Variants in RASA3 observed in about 807,000 individuals in gnomAD.
RASA3 encodes ras GTPase-activating protein 3.
A neutral mutation model predicts 110.0 loss-of-function variants in RASA3; 73 were observed. The observed-to-expected ratio is 0.66, with a 90% CI of 0.55 to 0.81. RASA3 has a LOEUF of 0.81. RASA3 is among the 30% of genes least tolerant of loss of function. RASA3 has a pLI of 0.00. For synonymous variants in RASA3, 500 were observed against 451.4 expected, an observed-to-expected ratio of 1.11 and a Z score of -1.37; for missense variants, 976 against 1,113.2, an observed-to-expected ratio of 0.88 and a Z score of 1.75.
intron 8 of RASA3, 88 bp downstream of exon 8, chr13:114,024,191 G>GA: frequency 8.2e-7 from 1 of 1,226,618 alleles, no homozygotes; most frequent in East Asian, 2.4e-5. Flanking sequence ...TTCTATCTAT[G>GA]ACCCTATATT....
At chr13:114,072,537 G>A (rs1341971923) in intron 2 of RASA3, among the ~76,000 whole-genome samples, 6 of 152,114 alleles carry the variant, frequency 3.9e-5, no homozygotes, top group Admixed American at 1.3e-4. Flanking sequence ...TCCCCCTCTC[G>A]AAATCCTTAA....
intron 1 of RASA3, among the ~76,000 whole-genome samples, chr13:114,117,232 T>C (rs372362916): frequency 4.3e-3 from 131 of 30,624 alleles, no homozygotes; most frequent in Admixed American, 7.7e-3. Flanking sequence ...GAGGGGTGCA[T>C]GTGTGTGAGG....
intron 18 of RASA3, 132 bp from the exon 19 acceptor site, chr13:114,001,064 A>G: frequency 1.5e-6 from 1 of 651,898 alleles, no homozygotes; most frequent in East Asian, 2.6e-5. Context: ...TTATCATTTT[A>G]CTCCGAGTGA....
At chr13:113,996,251 C>T (rs920943356) in intron 21 of RASA3, among the ~76,000 whole-genome samples, 1 of 152,160 alleles carries the variant, frequency 6.6e-6, no homozygotes, top group Non-Finnish European at 1.5e-5. Flanking sequence ...GGGAGTCCCC[C>T]TTCACCCTGA....
At chr13:114,073,579 A>G (rs1188477572) in intron 2 of RASA3, 141 bp downstream of exon 2, 6 of 736,766 alleles carry the variant, frequency 8.1e-6, no homozygotes, top group Non-Finnish European at 1.4e-5. Flanking sequence ...AATTCCCTAC[A>G]TGCGGGAAAA....
At chr13:114,106,032 G>T (rs971614987) in intron 1 of RASA3, among the ~76,000 whole-genome samples, 1 of 152,228 alleles carries the variant, frequency 6.6e-6, no homozygotes, top group Non-Finnish European at 1.5e-5. Flanking sequence ...CGCAGGCACT[G>T]AGTGGGAGGA....
intron 16 of RASA3, among the ~76,000 whole-genome samples, chr13:114,010,543 A>G (rs1006568530): frequency 6.6e-6 from 1 of 150,588 alleles, no homozygotes; most frequent in Admixed American, 6.6e-5. Flanking sequence ...AGGATGGAGG[A>G]CGGAGGTTCA....
At chr13:114,022,378 T>C (rs530323757) in intron 8 of RASA3, among the ~76,000 whole-genome samples, 60 of 152,294 alleles carry the variant, frequency 3.9e-4, no homozygotes, top group African/African-American at 1.2e-3. Context: ...GACCCACTCA[T>C]AGGCCTGAAA....
intron 9 of RASA3, among the ~76,000 whole-genome samples, chr13:114,019,545 C>A (rs1047311048): frequency 3.3e-5 from 5 of 149,770 alleles, no homozygotes; most frequent in African/African-American, 1.2e-4. Flanking sequence ...AAGGCATTAG[C>A]CCCCGTCAGG....
chr13:113,981,964 A>C, intron 22 of RASA3, 106 bp from the exon 23 acceptor site: 2 of 1,007,098 alleles, frequency 2.0e-6, no homozygotes, highest in Non-Finnish European at 1.4e-6. Context: ...CATCCTTCCA[A>C]CGCAAGCTCC....
Position 114,020,150 on chromosome 13 carries a change from TCAGG to T in RASA3, c.786-1235_786-1232del, listed in dbSNP as rs1566489049. On this transcript the variant is annotated intron_variant, in intron 9 of 23. Coordinates refer to ENST00000334062, the MANE Select transcript of RASA3 (RefSeq NM_007368.4). Reference sequence around the variant, plus strand: ...TGTGTCCGAGGCATTAGCAGCCCTGTCAGGTGGGTGGAGCCTGTGTCCGAGGCAT... The same window carrying T: ...TGTGTCCGAGGCATTAGCAGCCCTGTTGGGTGGAGCCTGTGTCCGAGGCAT... Among the ~76,000 whole-genome samples the T allele has an allele frequency of 3.0e-3, 119 of 39,208 alleles. 8 individuals are homozygous for T. Among genetic ancestry groups the T allele is most frequent in the African/African-American group, 0.018 (106 of 6,042 alleles). The allele number at this position is 39,208 out of a possible 152,430, so 25.7% of individuals were successfully genotyped here.
chr13:114,044,650 TC>T (rs1015150210), intron 3 of RASA3, among the ~76,000 whole-genome samples: 10 of 146,160 alleles, frequency 6.8e-5, no homozygotes, highest in African/African-American at 2.6e-4. Context: ...ACCTCCCCTT[TC>T]CCCCACAACA....
intron 3 of RASA3, among the ~76,000 whole-genome samples, chr13:114,043,724 G>C (rs1314226806): frequency 2.0e-5 from 3 of 152,066 alleles, no homozygotes; most frequent in African/African-American, 4.8e-5. Flanking sequence ...GGGAGGCTCA[G>C]AGAGAAATCC....
intron 21 of RASA3, among the ~76,000 whole-genome samples, chr13:113,995,785 G>A (rs2053228432): frequency 6.7e-5 from 3 of 44,662 alleles, no homozygotes; most frequent in Non-Finnish European, 1.1e-4. Context: ...GGGCCCGGCT[G>A]ACGGGGGGTC....
chr13:114,119,699 CT>C (rs60422056), intron 1 of RASA3, among the ~76,000 whole-genome samples: 2 of 19,612 alleles, frequency 1.0e-4, no homozygotes, highest in East Asian at 2.1e-3. Flanking sequence ...CCCCCCCTCC[CT>C]CTCTCCAGCC....
intron 14 of RASA3, among the ~76,000 whole-genome samples, chr13:114,013,610 C>G (rs1170465392): frequency 9.5e-6 from 1 of 104,744 alleles, no homozygotes; most frequent in Admixed American, 8.8e-5. Flanking sequence ...CTGGCTCTCT[C>G]CCCCCCTCCA....
intron 14 of RASA3, 79 bp downstream of exon 14, chr13:114,015,130 G>T: frequency 1.9e-6 from 3 of 1,568,106 alleles, no homozygotes; most frequent in Non-Finnish European, 2.6e-6. Flanking sequence ...GGGCTGCGGG[G>T]GGTTCTGCCT....
intron 12 of RASA3, among the ~76,000 whole-genome samples, chr13:114,016,842 T>C (rs1594328550): frequency 6.6e-6 from 1 of 151,818 alleles, no homozygotes; most frequent in South Asian, 2.1e-4. Flanking sequence ...GAGGGTCAGG[T>C]GAGGAGTGGG....
intron 4 of RASA3, among the ~76,000 whole-genome samples, chr13:114,037,299 A>G (rs982106589): frequency 1.3e-5 from 2 of 152,224 alleles, no homozygotes; most frequent in Admixed American, 1.3e-4. Context: ...TGACTGGAGC[A>G]ACAGCACACG....
Sources: allele counts gnomAD v4.1 joint callset (sites outside exome capture counted in the v4.1 genomes callset), GRCh38; gene constraint gnomAD v4.1.1; transcripts MANE v1.5; gene names NCBI Gene and HGNC (gene_info 2026-07-23, HGNC 2026-07-21).